PLD1: variants seen among roughly 807,000 people sequenced by gnomAD.
The protein encoded by PLD1 is phospholipase D1.
Under a neutral mutation model 137.1 loss-of-function variants are expected in PLD1, and 112 were observed. The ratio of observed to expected loss-of-function variants is 0.82; its 90% confidence interval spans 0.70 to 0.96. PLD1 has a LOEUF of 0.96. PLD1 is among the 40% of genes least tolerant of loss of function. The pLI is 0.00. For missense variants in PLD1, 1,321 were observed against 1,342.0 expected, an observed-to-expected ratio of 0.98 and a Z score of 0.24; for synonymous variants, 431 against 454.7, an observed-to-expected ratio of 0.95 and a Z score of 0.66.
intron 19 of PLD1, among the ~76,000 whole-genome samples, chr3:171,664,841 C>G (rs976827555): frequency 1.1e-4 from 16 of 152,086 alleles, no homozygotes; most frequent in African/African-American, 3.9e-4. Flanking sequence ...GTTCAGTTTC[C>G]TCCACTGTAC....
chr3:171,766,414 A>G (rs1450847830), intron 1 of PLD1, among the ~76,000 whole-genome samples: 1 of 152,154 alleles, frequency 6.6e-6, no homozygotes, highest in Non-Finnish European at 1.5e-5. Context: ...CTAAATCCCT[A>G]TTAACTTAAG....
intron 1 of PLD1, among the ~76,000 whole-genome samples, chr3:171,749,064 A>G (rs947250697): frequency 3.3e-5 from 5 of 152,088 alleles, no homozygotes; most frequent in African/African-American, 1.2e-4. Flanking sequence ...CATATGCTCC[A>G]TTTCTACTGA....
intron 21 of PLD1, among the ~76,000 whole-genome samples, chr3:171,652,766 A>ATTTTTTTTTTT (rs1174564536): frequency 2.6e-5 from 2 of 75,616 alleles, no homozygotes; most frequent in South Asian, 3.9e-4. Context: ...ACACTCAGCT[A>ATTTTTTTTTTT]TTTTTTTTTT....
rs113440314 is a variant in PLD1, at chr3:171,659,668, A to G, written c.2341-367T>C. On this transcript the variant is annotated intron_variant, in intron 20 of 26. Coordinates refer to ENST00000351298, the MANE Select transcript of PLD1 (RefSeq NM_002662.5). ...TTCACATGTTGTATAAATGCTTATGATTAAAAATTCTATATTGGCAAACAT... is the reference window on the plus strand; with the variant it reads ...TTCACATGTTGTATAAATGCTTATGGTTAAAAATTCTATATTGGCAAACAT... 2.1e-3 allele frequency among the ~76,000 whole-genome samples: 317 copies of G among 152,338 alleles called. 3 individuals are homozygous for G. Among genetic ancestry groups the G allele is most frequent in the African/African-American group, 7.3e-3 (305 of 41,582 alleles).
chr3:171,726,089 A>C lies in PLD1; in HGVS notation c.607-13T>G. The C allele has an allele frequency of 3.1e-6, 5 of 1,596,340 alleles. No individual in the cohort carries two copies. The highest frequency in any genetic ancestry group is 4.3e-6 in the Non-Finnish European group (5 of 1,163,938). Reference sequence around the variant, plus strand: ...CAAGAAACTCTGTCTGAAAAGAAGCAAAAAATCCATCTTTAGCAAGCAAAA... The same window carrying C: ...CAAGAAACTCTGTCTGAAAAGAAGCCAAAAATCCATCTTTAGCAAGCAAAA... On this transcript the variant is annotated splice_polypyrimidine_tract_variant and intron_variant, in intron 6 of 26. Coordinates refer to ENST00000351298, the MANE Select transcript of PLD1 (RefSeq NM_002662.5).
chr3:171,653,400 T>C (rs1736941441), intron 21 of PLD1: 1 of 152,220 alleles, frequency 6.6e-6, no homozygotes, highest in Non-Finnish European at 1.5e-5. Context: ...ACTTTATATT[T>C]TGGGGAGAGT....
intron 21 of PLD1, among the ~76,000 whole-genome samples, chr3:171,647,696 C>T (rs55907951): frequency 1.7e-3 from 258 of 152,206 alleles, no homozygotes; most frequent in South Asian, 0.01. Context: ...TGATCCGCCT[C>T]GGCCTCCCAA....
At chr3:171,786,844 T>C (rs1324593039) in intron 1 of PLD1, among the ~76,000 whole-genome samples, 1 of 152,212 alleles carries the variant, frequency 6.6e-6, no homozygotes, top group Non-Finnish European at 1.5e-5. Flanking sequence ...TTATGAATTC[T>C]TATCTCTTAT....
intron 1 of PLD1, among the ~76,000 whole-genome samples, chr3:171,748,867 T>C (rs1720459174): frequency 6.7e-6 from 1 of 149,624 alleles, no homozygotes; most frequent in South Asian, 2.2e-4. Context: ...TAGTTGTTCC[T>C]ATGCCCCTAG....
intron 1 of PLD1, among the ~76,000 whole-genome samples, chr3:171,742,327 G>GTGCC (rs1719839570): frequency 6.6e-6 from 1 of 152,172 alleles, no homozygotes; most frequent in African/African-American, 2.4e-5. Context: ...CTGAGCTCAA[G>GTGCC]TGACCTGCCT....
chr3:171,750,213 T>C (rs1720556672), intron 1 of PLD1, among the ~76,000 whole-genome samples: 1 of 152,138 alleles, frequency 6.6e-6, no homozygotes, highest in African/African-American at 2.4e-5. Context: ...AGTGAACGAA[T>C]AAGTAGAAAA....
rs147244942 is a variant in PLD1, at chr3:171,633,637, A to T, written c.2593+9203T>A. The stretch of plus-strand genomic sequence containing the variant: ...GTACCCCAGAACTTAAAGTATAATT[A>T]AAAAAAGAAGAGAAATTCAATACAA... On this transcript the variant is annotated intron_variant, in intron 23 of 26. Transcript: ENST00000351298. 5.3e-3 allele frequency among the ~76,000 whole-genome samples: 809 copies of T among 152,272 alleles called. 3 individuals carry two copies. The highest frequency in any genetic ancestry group is 0.017 in the African/African-American group (707 of 41,540).
chr3:171,675,166 A>C (rs114712434), intron 18 of PLD1, among the ~76,000 whole-genome samples: 1,736 of 152,178 alleles, frequency 0.011, 32 homozygotes, highest in African/African-American at 0.04. Flanking sequence ...ATTTGTAAAG[A>C]CAGGTTAAAT....
intron 23 of PLD1, among the ~76,000 whole-genome samples, chr3:171,634,908 C>A (rs955467303): frequency 4.1e-4 from 63 of 152,124 alleles, no homozygotes; most frequent in African/African-American, 1.5e-3. Context: ...CCCAAAAAAA[C>A]CCCACACTCA....
chr3:171,733,961 A>C (rs1560261686), intron 5 of PLD1, among the ~76,000 whole-genome samples: 1 of 152,206 alleles, frequency 6.6e-6, no homozygotes, highest in Non-Finnish European at 1.5e-5. Flanking sequence ...AGTAGAATGT[A>C]CTGATTTTAA....
chr3:171,656,797 T>C (rs1389812460), intron 21 of PLD1, among the ~76,000 whole-genome samples: 1 of 152,240 alleles, frequency 6.6e-6, no homozygotes, highest in African/African-American at 2.4e-5. Flanking sequence ...CTACTGAGCA[T>C]GTAGGCCACG....
chr3:171,683,461 T>C (rs1253230518), intron 16 of PLD1, among the ~76,000 whole-genome samples: 2 of 152,170 alleles, frequency 1.3e-5, no homozygotes, highest in South Asian at 4.1e-4. Flanking sequence ...ACTACAGCCG[T>C]ATTCCTGGAA....
chr3:171,783,837 G>C lies in PLD1; in HGVS notation c.-32+26562C>G, dbSNP rs150987942. The stretch of plus-strand genomic sequence containing the variant: ...TTTGTAGTGATGTTTTTGTAGAGAT[G>C]CAGTCTCCCTATGTTGCCCAGGCTG... On this transcript the variant is annotated intron_variant, in intron 1 of 26. Transcript: ENST00000351298. Among the ~76,000 whole-genome samples, 1,116 of 152,152 alleles carry C rather than the reference G, an allele frequency of 7.3e-3. 16 individuals carry two copies. The highest frequency in any genetic ancestry group is 0.026 in the African/African-American group (1,063 of 41,490).
chr3:171,719,469 C>T (rs182081065), intron 8 of PLD1, among the ~76,000 whole-genome samples: 3 of 152,304 alleles, frequency 2.0e-5, no homozygotes, highest in East Asian at 1.9e-4. Context: ...GCCACCATCT[C>T]GCCTAAATAA....
Sources: gnomAD v4.1 joint callset for allele counts (sites outside exome capture counted in the v4.1 genomes callset) on GRCh38, gnomAD v4.1.1 for gene constraint, MANE v1.5 for transcripts, NCBI Gene and HGNC (gene_info 2026-07-23, HGNC 2026-07-21) for gene names.